SCGN: variants seen among roughly 807,000 people sequenced by gnomAD.
The protein encoded by SCGN is secretagogin, EF-hand calcium binding protein, also known as secretagogin.
SCGN carries 30 observed loss-of-function variants against 39.7 expected under a neutral mutation model. The ratio of observed to expected loss-of-function variants is 0.76; its 90% CI spans 0.57 to 1.03. The LOEUF (loss-of-function observed/expected upper bound fraction) is 1.03. Ranked by LOEUF, SCGN falls within the 50% of genes least tolerant of loss-of-function variation. The pLI, the probability that SCGN is intolerant of heterozygous loss-of-function variation, is 0.00. For synonymous variants in SCGN, 106 were observed against 114.1 expected (o/e 0.93, Z 0.45); for missense variants, 353 against 349.4 (o/e 1.01, Z -0.08).
chr6:25,661,560 C>A lies in SCGN; in HGVS notation c.162C>A (p.Val54=). 4 of 1,612,848 alleles carry A rather than the reference C, an allele frequency of 2.5e-6. No individual in the cohort carries two copies. In the South Asian group the frequency reaches 3.3e-5, roughly 13 times the overall value. ...TGTTTGGTCAATTGCAGGACACGGT[C>A]ATGAAAGCAAATTTGCACAAGGTGA... The part of the protein sequence containing the change: ...MLMKLGTDDT[V]MKANLHKVKQ... Residue 54 remains valine, a synonymous_variant, in exon 3 of 11, where the codon GTC becomes GTA. Coordinates refer to ENST00000377961, the MANE Select transcript of SCGN (RefSeq NM_006998.4).
At chr6:25,699,602 A>G (rs541192414) in intron 10 of SCGN, among the ~76,000 whole-genome samples, 1 of 151,808 alleles carries the variant, frequency 6.6e-6, no homozygotes, top group African/African-American at 2.4e-5. Flanking sequence ...AAAAAAAAAA[A>G]AAAAAAAAGA....
intron 6 of SCGN, among the ~76,000 whole-genome samples, chr6:25,673,155 CT>C (rs1294767778): frequency 1.3e-5 from 2 of 152,202 alleles, no homozygotes; most frequent in African/African-American, 4.8e-5. Flanking sequence ...GCTATCTCCC[CT>C]GTCAGTGTTT....
chr6:25,701,627 G>T lies in SCGN; in HGVS notation c.*292G>T, dbSNP rs2151385111. 3.8e-6 allele frequency: 1 copy of T among 259,864 alleles called. No homozygotes were observed. Among genetic ancestry groups the T allele is most frequent in the East Asian group, 7.9e-5 (1 of 12,678 alleles). 16.1% of individuals were successfully genotyped at this position (259,864 alleles called of 1,614,324 possible). A position where few individuals can be genotyped will look rare whatever the true frequency, so the allele number is the denominator to read the frequency against. ...CTGCCTGTCCTTCCCCAGTCACCAG[G>T]GTGGGGGGGACAGGGGCAGCTGAGT... On this transcript the variant is annotated 3_prime_UTR_variant, in exon 11 of 11. Coordinates refer to ENST00000377961, the MANE Select transcript of SCGN (RefSeq NM_006998.4).
At chr6:25,667,081 A>G (rs1760436710) in intron 4 of SCGN, among the ~76,000 whole-genome samples, 1 of 152,136 alleles carries the variant, frequency 6.6e-6, no homozygotes, top group Non-Finnish European at 1.5e-5. Flanking sequence ...TTATCTCAGG[A>G]TAGGAGTTTC....
chr6:25,694,125 A>G (rs1290156217), intron 10 of SCGN, among the ~76,000 whole-genome samples: 1 of 152,254 alleles, frequency 6.6e-6, no homozygotes, highest in Non-Finnish European at 1.5e-5. Flanking sequence ...TTTAGTGACT[A>G]TGATCATTGC....
intron 3 of SCGN, among the ~76,000 whole-genome samples, chr6:25,663,198 C>T (rs1377717743): frequency 6.6e-6 from 1 of 152,126 alleles, no homozygotes; most frequent in African/African-American, 2.4e-5. Flanking sequence ...CTTGCTGTAC[C>T]ATTGACCATT....
intron 2 of SCGN, among the ~76,000 whole-genome samples, chr6:25,654,328 G>A (rs1016746023): frequency 7.4e-4 from 113 of 152,290 alleles, no homozygotes; most frequent in African/African-American, 2.3e-3. Context: ...GTATGTGGGG[G>A]GCAGGGGAAG....
intron 2 of SCGN, among the ~76,000 whole-genome samples, chr6:25,654,697 C>T (rs189976590): frequency 6.6e-6 from 1 of 151,934 alleles, no homozygotes; most frequent in Non-Finnish European, 1.5e-5. Flanking sequence ...TCTTTCTTTC[C>T]CATCTCTCTT....
chr6:25,676,227 A>G (rs2151380049), intron 6 of SCGN, among the ~76,000 whole-genome samples: 1 of 152,346 alleles, frequency 6.6e-6, no homozygotes. Flanking sequence ...GATGCTTCCC[A>G]GCAGATCCCC....
At chr6:25,659,350 A>G (rs180674127) in intron 2 of SCGN, among the ~76,000 whole-genome samples, 36 of 152,294 alleles carry the variant, frequency 2.4e-4, no homozygotes, top group Admixed American at 2.3e-3. Flanking sequence ...CAATGACTCC[A>G]TTAGGTGTTC....
chr6:25,701,173 T>C (rs1161055324), intron 10 of SCGN, 34 bp from the exon 11 acceptor site: 3 of 1,590,802 alleles, frequency 1.9e-6, no homozygotes, highest in Non-Finnish European at 2.6e-6. Context: ...CACCATTGGC[T>C]TGCCTGTTAA....
chr6:25,664,825 C>G (rs975300820), intron 3 of SCGN, 118 bp from the exon 4 acceptor site: 2 of 652,946 alleles, frequency 3.1e-6, no homozygotes, highest in East Asian at 5.4e-5. Context: ...AGCTGTTCAT[C>G]CTGGAAGATC....
At chr6:25,669,003 A>C (rs1467443353) in intron 4 of SCGN, among the ~76,000 whole-genome samples, 3 of 151,494 alleles carry the variant, frequency 2.0e-5, no homozygotes, top group South Asian at 2.1e-4. Context: ...CCCAGCTATT[A>C]GGGAGGCTGA....
chr6:25,658,962 A>G (rs1486912727), intron 2 of SCGN, among the ~76,000 whole-genome samples: 1 of 152,178 alleles, frequency 6.6e-6, no homozygotes, highest in African/African-American at 2.4e-5. Context: ...AGAGAATCAG[A>G]TATTAGAGGA....
In SCGN at chr6:25,691,116, C is replaced by A; in HGVS notation, c.694C>A (p.Leu232Ile). ...TGGGTTTGTCAAAGACATGATGGAG[C>A]TTGTCCAGGTGAGTGCACGTTCTTC... ...VDGFVKDMME[L>I]VQPSISGVDL... Residue 232 changes from leucine to isoleucine, a missense_variant, in exon 10 of 11, where the codon CTT becomes ATT. Transcript: ENST00000377961. The A allele has an allele frequency of 1.9e-6, 3 of 1,612,572 alleles. No homozygotes were observed. Among genetic ancestry groups the A allele is most frequent in the Non-Finnish European group, 2.5e-6 (3 of 1,178,652 alleles).
Position 25,701,471 on chromosome 6 carries a change from C to A in SCGN, c.*136C>A. 9.7e-7 allele frequency: 1 copy of A among 1,034,530 alleles called. No homozygotes were observed. The highest frequency in any genetic ancestry group is 1.4e-6 in the Non-Finnish European group (1 of 711,792). The allele number at this position is 1,034,530 out of a possible 1,614,324, so 64.1% of individuals were successfully genotyped here. ...CTATTCTTGGGCAAGAACAGGGACG[C>A]TAGGGCCTTCCTTCCACCGGCGTGA... is the stretch of plus-strand genomic sequence containing the variant. On this transcript the variant is annotated 3_prime_UTR_variant, in exon 11 of 11. Transcript: ENST00000377961.
intron 6 of SCGN, among the ~76,000 whole-genome samples, chr6:25,677,996 T>G (rs972143678): frequency 6.6e-6 from 1 of 152,200 alleles, no homozygotes; most frequent in African/African-American, 2.4e-5. Flanking sequence ...TTTGAAAAAC[T>G]AAAATATTAT....
At chr6:25,655,489 C>CTAA (rs1760211298) in intron 2 of SCGN, among the ~76,000 whole-genome samples, 1 of 152,140 alleles carries the variant, frequency 6.6e-6, no homozygotes, top group Non-Finnish European at 1.5e-5. Context: ...GGTCCATGGA[C>CTAA]TAATGCTCTT....
intron 7 of SCGN, among the ~76,000 whole-genome samples, chr6:25,688,895 C>A (rs1759739972): frequency 6.6e-6 from 1 of 151,448 alleles, no homozygotes. Context: ...GTTATTTTGA[C>A]TATTTTTTCC....
Sources: allele counts gnomAD v4.1 joint callset (sites outside exome capture counted in the v4.1 genomes callset), GRCh38; gene constraint gnomAD v4.1.1; transcripts MANE v1.5; gene names NCBI Gene and HGNC (gene_info 2026-07-23, HGNC 2026-07-21).